Variants in COL21A1 observed in about 807,000 individuals in gnomAD.
COL21A1 encodes collagen alpha-1(XXI) chain.
Under a neutral mutation model 137.9 loss-of-function variants are expected in COL21A1, and 149 were observed. The ratio of observed to expected loss-of-function variants is 1.08; its 90% CI spans 0.95 to 1.24. The LOEUF (loss-of-function observed/expected upper bound fraction) is 1.24. Among genes scored for constraint, COL21A1 ranks in the 50% most tolerant of loss-of-function variants. The probability of loss-of-function intolerance (pLI) is 0.00; values close to 1 mark genes in which losing one functional copy is unlikely to be tolerated. For synonymous variants in COL21A1, 456 were observed against 391.5 expected (o/e 1.16, Z -1.95); for missense variants, 1,167 against 1,158.4 (o/e 1.01, Z -0.11).
chr6:56,159,026 G>A (rs1281271541), intron 9 of COL21A1, among the ~76,000 whole-genome samples: 2 of 152,172 alleles, frequency 1.3e-5, no homozygotes, highest in African/African-American at 2.4e-5. Flanking sequence ...TTGAGAAGGT[G>A]CACATTAATC....
intron 24 of COL21A1, among the ~76,000 whole-genome samples, chr6:56,064,078 C>T (rs868851126): frequency 2.7e-4 from 41 of 152,126 alleles, no homozygotes; most frequent in African/African-American, 9.2e-4. Context: ...AGCCATCTTA[C>T]TGTGTGTCTG....
chr6:56,313,365 T>C (rs187847864), intron 1 of COL21A1, among the ~76,000 whole-genome samples: 17 of 152,200 alleles, frequency 1.1e-4, no homozygotes, highest in African/African-American at 4.1e-4. Flanking sequence ...TATCTCAGCT[T>C]GGGCTGTCAT....
chr6:56,114,248 A>G (rs1318323601), intron 16 of COL21A1, among the ~76,000 whole-genome samples: 1 of 152,150 alleles, frequency 6.6e-6, no homozygotes, highest in Non-Finnish European at 1.5e-5. Context: ...GTCAGAGCAG[A>G]CACTGGGTGA....
At chr6:56,077,620 T>C in intron 17 of COL21A1, 47 bp from the exon 18 acceptor site, 1 of 1,169,890 alleles carries the variant, frequency 8.5e-7, no homozygotes, top group Non-Finnish European at 1.2e-6. Flanking sequence ...AATTGAAGAC[T>C]TTATCATTAA....
At chr6:56,105,420 A>T (rs1422295347) in intron 16 of COL21A1, among the ~76,000 whole-genome samples, 1 of 152,184 alleles carries the variant, frequency 6.6e-6, no homozygotes, top group East Asian at 1.9e-4. Context: ...TATTATTTTC[A>T]AATAATATAT....
chr6:56,086,412 A>G (rs991277048), intron 17 of COL21A1, among the ~76,000 whole-genome samples: 2 of 151,284 alleles, frequency 1.3e-5, no homozygotes, highest in African/African-American at 4.8e-5. Flanking sequence ...TAACATAAAC[A>G]GTCAATTAAT....
At chr6:56,111,482 A>G (rs1425537262) in intron 16 of COL21A1, among the ~76,000 whole-genome samples, 4 of 152,200 alleles carry the variant, frequency 2.6e-5, no homozygotes, top group Admixed American at 2.6e-4. Flanking sequence ...TAGTAATATA[A>G]AATGTTAACT....
chr6:56,263,741 A>G (rs575603663), intron 1 of COL21A1, among the ~76,000 whole-genome samples: 1 of 152,348 alleles, frequency 6.6e-6, no homozygotes, highest in East Asian at 1.9e-4. Flanking sequence ...CCAAGACTCT[A>G]TGGCTTAATG....
intron 1 of COL21A1, among the ~76,000 whole-genome samples, chr6:56,191,561 C>T (rs368326788): frequency 6.7e-6 from 1 of 148,256 alleles, no homozygotes; most frequent in East Asian, 2.0e-4. Context: ...CACTGCACTC[C>T]AGCCTGGGTG....
intron 13 of COL21A1, 53 bp from the exon 14 acceptor site, chr6:56,125,673 TA>T: frequency 8.4e-7 from 1 of 1,193,742 alleles, no homozygotes; most frequent in Non-Finnish European, 1.2e-6. Context: ...ATATTTTTCT[TA>T]TAAAGAAAAA....
At chr6:56,155,909 T>G (rs1775708022) in intron 10 of COL21A1, among the ~76,000 whole-genome samples, 1 of 152,232 alleles carries the variant, frequency 6.6e-6, no homozygotes, top group South Asian at 2.1e-4. Flanking sequence ...AGCCAAAAGC[T>G]AATTCTTCGT....
chr6:56,164,791 G>T, intron 8 of COL21A1, 23 bp downstream of exon 8: 1 of 1,557,324 alleles, frequency 6.4e-7, no homozygotes, highest in South Asian at 1.2e-5. Flanking sequence ...TACCTTAAGG[G>T]GAACAATAGT....
intron 17 of COL21A1, among the ~76,000 whole-genome samples, chr6:56,079,184 T>C (rs1192495504): frequency 6.6e-6 from 1 of 151,676 alleles, no homozygotes; most frequent in African/African-American, 2.4e-5. Flanking sequence ...GTTCTGAATT[T>C]AACTAAAATA....
intron 1 of COL21A1, among the ~76,000 whole-genome samples, chr6:56,186,916 T>A (rs1778344727): frequency 6.6e-6 from 1 of 152,196 alleles, no homozygotes; most frequent in Non-Finnish European, 1.5e-5. Context: ...CTAAAACAGA[T>A]ATAAAATGCA....
In COL21A1 at chr6:56,075,517, G is replaced by A. The variant is rs916253872; in HGVS notation, c.1873C>T (p.Pro625Ser). 3.3e-6 allele frequency: 5 copies of A among 1,525,676 alleles called. No individual in the cohort carries two copies. The highest frequency in any genetic ancestry group is 4.4e-6 in the Non-Finnish European group (5 of 1,137,648). 94.5% of individuals were successfully genotyped at this position (1,525,676 alleles called of 1,614,324 possible). A position where few individuals can be genotyped will look rare whatever the true frequency, so the allele number is the denominator to read the frequency against. Residue 625 changes from proline (P) to serine (S), a missense_variant, in exon 19 of 30, where the codon CCA (proline) becomes TCA (serine). Coordinates refer to ENST00000244728, the MANE Select transcript of COL21A1 (RefSeq NM_030820.4). ...LMGQKGEIGP[P>S]GQQGKKGAPG... ...GCTCCTTTTTTTCCTTGCTGTCCTG[G>A]AGGCCCAATTTCTCCCTAAAAAAAT...
At chr6:56,062,692 A>T (rs1052091731) in intron 24 of COL21A1, among the ~76,000 whole-genome samples, 1 of 152,200 alleles carries the variant, frequency 6.6e-6, no homozygotes, top group Non-Finnish European at 1.5e-5. Context: ...AAAAATCATC[A>T]TAAAACACCA....
chr6:56,238,466 TA>T (rs1782056697), intron 1 of COL21A1, among the ~76,000 whole-genome samples: 1 of 140,850 alleles, frequency 7.1e-6, no homozygotes, highest in Non-Finnish European at 1.5e-5. Flanking sequence ...CCACAATTGC[TA>T]AATCCAGGAG....
At chr6:56,374,378 C>A (rs1025076149) in intron 1 of COL21A1, among the ~76,000 whole-genome samples, 4 of 152,092 alleles carry the variant, frequency 2.6e-5, no homozygotes, top group African/African-American at 9.7e-5. Context: ...AATTCTACCT[C>A]CCCAGTAGAA....
intron 16 of COL21A1, among the ~76,000 whole-genome samples, chr6:56,122,443 G>A (rs1456615063): frequency 4.6e-5 from 7 of 152,112 alleles, no homozygotes; most frequent in Non-Finnish European, 1.0e-4. Flanking sequence ...CTCCCGAGTA[G>A]CTGGGACTAC....
Sources: allele counts gnomAD v4.1 joint callset (sites outside exome capture counted in the v4.1 genomes callset), GRCh38; gene constraint gnomAD v4.1.1; transcripts MANE v1.5; gene names NCBI Gene and HGNC (gene_info 2026-07-23, HGNC 2026-07-21).